The following STAG1 variants were observed in gnomAD, a reference collection of about 807,000 sequenced individuals.
STAG1 encodes the protein cohesin subunit SA-1.
A neutral mutation model predicts 170.9 loss-of-function variants in STAG1; 26 were observed. The observed-to-expected ratio is 0.15, with a 90% CI of 0.11 to 0.21. The LOEUF is 0.21. Among genes scored for constraint, STAG1 ranks in the 10% least tolerant of loss-of-function variants. STAG1 has a pLI of 1.00. For missense variants in STAG1, 964 were observed against 1,509.5 expected (o/e 0.64, Z 5.99); for synonymous variants, 514 against 497.7 (o/e 1.03, Z -0.44).
chr3:136,371,057 G>T (rs1430186934), intron 23 of STAG1, among the ~76,000 whole-genome samples: 1 of 152,100 alleles, frequency 6.6e-6, no homozygotes, highest in Admixed American at 6.5e-5. Context: ...CATTCTAACT[G>T]GTGTGAGATG....
At chr3:136,541,538 T>TCACACACACACACTCACTCACACACA (rs1935899215) in intron 6 of STAG1, among the ~76,000 whole-genome samples, 3 of 123,122 alleles carry the variant, frequency 2.4e-5, no homozygotes, top group Non-Finnish European at 5.2e-5. Flanking sequence ...AGCTTAACAT[T>TCACACACACACACTCACTCACACACA]CACACACACA....
At chr3:136,626,150 G>A (rs972937867) in intron 2 of STAG1, among the ~76,000 whole-genome samples, 9 of 152,102 alleles carry the variant, frequency 5.9e-5, no homozygotes, top group Non-Finnish European at 1.2e-4. Context: ...CCATACAGCC[G>A]GGTGCAGTGG....
chr3:136,733,080 C>T (rs1226124573), intron 1 of STAG1, among the ~76,000 whole-genome samples: 4 of 147,746 alleles, frequency 2.7e-5, no homozygotes, highest in Non-Finnish European at 6.0e-5. Context: ...TGGTTAAAAC[C>T]TAACTTTTTT....
chr3:136,616,362 G>C (rs1024048362), intron 3 of STAG1, among the ~76,000 whole-genome samples: 1 of 151,998 alleles, frequency 6.6e-6, no homozygotes, highest in Non-Finnish European at 1.5e-5. Flanking sequence ...CAATGACTCA[G>C]GTCTTAATTC....
intron 1 of STAG1, among the ~76,000 whole-genome samples, chr3:136,699,854 C>T (rs1482890547): frequency 6.6e-6 from 1 of 152,024 alleles, no homozygotes; most frequent in East Asian, 1.9e-4. Flanking sequence ...ACTTCCACAT[C>T]CCAGGTTTTT....
intron 1 of STAG1, among the ~76,000 whole-genome samples, chr3:136,740,715 A>C (rs1934621005): frequency 2.0e-5 from 3 of 152,152 alleles, no homozygotes; most frequent in Non-Finnish European, 2.9e-5. Context: ...TCCTGAACTC[A>C]AGTGATCGCC....
intron 5 of STAG1, among the ~76,000 whole-genome samples, chr3:136,567,113 T>C (rs2107760073): frequency 6.6e-6 from 1 of 152,338 alleles, no homozygotes; most frequent in South Asian, 2.1e-4. Flanking sequence ...GACTTCTTAT[T>C]ATACAACTTT....
At chr3:136,458,912 A>T (rs924487387) in intron 13 of STAG1, among the ~76,000 whole-genome samples, 2 of 152,212 alleles carry the variant, frequency 1.3e-5, no homozygotes, top group Admixed American at 1.3e-4. Flanking sequence ...ACTTTAAGTC[A>T]AGAATGATTA....
chr3:136,604,496 T>C (rs1345489872), intron 3 of STAG1, 23 bp from the exon 4 acceptor site: 1 of 1,577,768 alleles, frequency 6.3e-7, no homozygotes, highest in Non-Finnish European at 8.6e-7. Context: ...TAAAAAAAGA[T>C]TCCATTCGAT....
intron 7 of STAG1, among the ~76,000 whole-genome samples, chr3:136,503,321 T>A (rs1007815280): frequency 6.6e-6 from 1 of 152,300 alleles, no homozygotes; most frequent in South Asian, 2.1e-4. Context: ...ACCAAACTCA[T>A]TGAAGTCCAT....
chr3:136,502,735 T>C lies in STAG1; in HGVS notation c.721A>G (p.Ser241Gly). ...TALVNVALNL[S>G]IHQDNTQRQY... ...CTCTGGGTATTATCCTGATGAATAC[T>C]GAGGTTTAAGGCAACATTCACCAGA... The change falls in exon 8 of 34, where the codon AGT becomes GGT. Residue 241 changes from serine to glycine, a missense_variant. Ser to Gly is a moderately conservative substitution (Grantham distance 56). Coordinates refer to ENST00000383202, the MANE Select transcript of STAG1 (RefSeq NM_005862.3). The C allele has an allele frequency of 6.2e-7, 1 of 1,613,138 alleles. No individual in the cohort carries two copies. The highest frequency in any genetic ancestry group is 8.5e-7 in the Non-Finnish European group (1 of 1,179,600).
At chr3:136,378,310 A>G (rs1437554982) in intron 22 of STAG1, among the ~76,000 whole-genome samples, 2 of 152,232 alleles carry the variant, frequency 1.3e-5, no homozygotes, top group African/African-American at 4.8e-5. Flanking sequence ...TCTTCATAGG[A>G]GGATGGGCTT....
rs139981980 is a variant in STAG1 at position 136,637,709 on chromosome 3, T to C, written c.-83-6728A>G. Among the ~76,000 whole-genome samples the C allele has an allele frequency of 2.1e-3, 322 of 152,230 alleles. 2 individuals are homozygous for C. Among genetic ancestry groups the C allele is most frequent in the African/African-American group, 7.4e-3 (307 of 41,526 alleles). On this transcript the variant is annotated intron_variant, in intron 1 of 33. Transcript: ENST00000383202. ...AACTGGAATAAAAAAAGAACCCATA[T>C]AGCATACAGTTATTGTGGTAAGTGA...
rs71157390 is a variant in STAG1, at chr3:136,498,284, TACACAC to T, written c.902+1933_902+1938del. ...CACACACACACACACCACACACACA[TACACAC>T]ACACACACACACACACATATATATA... On this transcript the variant is annotated intron_variant, in intron 9 of 33. Coordinates refer to ENST00000383202, the MANE Select transcript of STAG1 (RefSeq NM_005862.3). Among the ~76,000 whole-genome samples the T allele has an allele frequency of 3.4e-3, 292 of 87,066 alleles. 2 individuals are homozygous for T. The highest frequency in any genetic ancestry group is 8.1e-3 in the African/African-American group (152 of 18,666). The allele number at this position is 87,066 out of a possible 152,430, so 57.1% of individuals were successfully genotyped here.
intron 1 of STAG1, among the ~76,000 whole-genome samples, chr3:136,690,946 G>C (rs982542284): frequency 6.6e-6 from 1 of 150,798 alleles, no homozygotes; most frequent in Admixed American, 6.7e-5. Context: ...ATATCCAACG[G>C]GGCAATGTTA....
At chr3:136,547,849 G>A (rs892529261) in intron 5 of STAG1, among the ~76,000 whole-genome samples, 6 of 152,222 alleles carry the variant, frequency 3.9e-5, no homozygotes, top group African/African-American at 1.2e-4. Context: ...TAAGTTTCAG[G>A]TCTTACGTTT....
rs750330235 is a variant in STAG1, at chr3:136,604,428, T to C, written c.178A>G (p.Ile60Val). 1.9e-6 allele frequency: 3 copies of C among 1,613,022 alleles called. No individual in the cohort carries two copies. The highest frequency in any genetic ancestry group is 2.5e-6 in the Non-Finnish European group (3 of 1,179,550). ...CCTGCTCCTCTAATTCCAGCTTCAA[T>C]TCTGCTCTTCTCACCTGGAGATTTT... ...PRKSPGEKSR[I>V]EAGIRGAGRG... The change falls in exon 4 of 34, where the codon ATT becomes GTT. Residue 60 changes from isoleucine to valine, a missense_variant. Transcript: ENST00000383202.
intron 1 of STAG1, among the ~76,000 whole-genome samples, chr3:136,658,396 A>C (rs926131771): frequency 6.6e-6 from 1 of 152,126 alleles, no homozygotes; most frequent in Non-Finnish European, 1.5e-5. Context: ...GGAAATTTAA[A>C]AAAAAAAATC....
intron 7 of STAG1, among the ~76,000 whole-genome samples, chr3:136,520,405 A>C (rs1934615370): frequency 6.6e-6 from 1 of 152,156 alleles, no homozygotes; most frequent in Non-Finnish European, 1.5e-5. Context: ...ATATAGGCAA[A>C]GTTACTGCTA....
Sources: gnomAD v4.1 joint callset for allele counts (sites outside exome capture counted in the v4.1 genomes callset) on GRCh38, gnomAD v4.1.1 for gene constraint, MANE v1.5 for transcripts, NCBI Gene and HGNC (gene_info 2026-07-23, HGNC 2026-07-21) for gene names.